Variants in KCNG3 observed in about 807,000 individuals in gnomAD.
KCNG3 encodes the protein voltage-gated potassium channel regulatory subunit KCNG3.
In KCNG3, 15 loss-of-function variants were observed where a neutral mutation model predicts 29.0. The observed-to-expected ratio is 0.52, with a 90% CI of 0.35 to 0.80. KCNG3 has a LOEUF of 0.80. KCNG3 is among the 30% of genes least tolerant of loss of function. KCNG3 has a pLI of 0.01. For missense variants in KCNG3, 512 were observed against 605.7 expected, an observed-to-expected ratio of 0.85 and a Z score of 1.62; for synonymous variants, 322 against 248.9, an observed-to-expected ratio of 1.29 and a Z score of -2.76.
At chr2:42,488,445 G>A (rs13013762) in intron 1 of KCNG3, among the ~76,000 whole-genome samples, 38,705 of 152,048 alleles carry the variant, frequency 0.25, 5,028 homozygotes, top group Middle Eastern at 0.37. Context: ...CTGAATCATA[G>A]TTCACTGCAG....
chr2:42,392,735 G>GA, the KCNG3 span, among the ~76,000 whole-genome samples: 1 of 151,858 alleles, frequency 6.6e-6, no homozygotes, highest in Non-Finnish European at 1.5e-5. Context: ...TAATCTCGAT[G>GA]AATGAGGGTC....
chr2:42,399,779 C>T, the KCNG3 span, among the ~76,000 whole-genome samples: 3 of 152,128 alleles, frequency 2.0e-5, no homozygotes, highest in South Asian at 2.1e-4. Context: ...TCTCCTTTGC[C>T]GGAATCCTAG....
downstream of KCNG3, among the ~76,000 whole-genome samples, chr2:42,437,123 T>C (rs953981757): frequency 2.6e-5 from 4 of 152,150 alleles, 1 homozygote; most frequent in Admixed American, 2.6e-4. Flanking sequence ...TAATTATTTC[T>C]TACATGCTAT....
At chr2:42,437,478 T>A (rs1395822367), downstream of KCNG3, among the ~76,000 whole-genome samples, 3 of 152,224 alleles carry the variant, frequency 2.0e-5, no homozygotes, top group East Asian at 3.8e-4. Context: ...TTTCTACCTC[T>A]GTCCTAGGAA....
intron 1 of KCNG3, among the ~76,000 whole-genome samples, chr2:42,473,551 T>C (rs1389909051): frequency 7.9e-5 from 12 of 151,990 alleles, no homozygotes; most frequent in East Asian, 2.0e-4. Flanking sequence ...GTTTTCACCA[T>C]GTTGGCCAGG....
chr2:42,448,935 G>A (rs986465365), intron 1 of KCNG3, among the ~76,000 whole-genome samples: 7 of 151,618 alleles, frequency 4.6e-5, no homozygotes, highest in Non-Finnish European at 8.8e-5. Flanking sequence ...CTGAGATCGC[G>A]CCACTGCACT....
At chr2:42,450,749 C>G (rs559329151) in intron 1 of KCNG3, among the ~76,000 whole-genome samples, 1 of 152,160 alleles carries the variant, frequency 6.6e-6, no homozygotes, top group Non-Finnish European at 1.5e-5. Flanking sequence ...AGTATCTCCG[C>G]TTTACAGATG....
At chr2:42,389,016 C>T in the KCNG3 span, among the ~76,000 whole-genome samples, 2 of 152,136 alleles carry the variant, frequency 1.3e-5, no homozygotes, top group South Asian at 4.1e-4. Context: ...CTCCCAGGTT[C>T]ACGCGATTCT....
chr2:42,428,457 G>A, the KCNG3 span, among the ~76,000 whole-genome samples: 58 of 61,352 alleles, frequency 9.5e-4, no homozygotes, highest in Non-Finnish European at 1.7e-3. Flanking sequence ...ACCCGGTCTC[G>A]GGAAAAAAAA....
rs1361165498 is a variant in KCNG3 at position 42,493,649 on chromosome 2, TG to T, written c.-149del. ...TCGGGGCTCCGCTCCTGCCCTCCGC[TG>T]GCCCGGGGGTCCCTGGGCTCGAGTA... On this transcript the variant is annotated 5_prime_UTR_variant, in exon 1 of 2. Coordinates refer to ENST00000306078, the MANE Select transcript of KCNG3 (RefSeq NM_133329.6). 1.7e-6 allele frequency: 1 copy of T among 592,214 alleles called. No homozygotes were observed. The highest frequency in any genetic ancestry group is 1.9e-5 in the African/African-American group (1 of 51,508). 36.7% of individuals were successfully genotyped at this position (592,214 alleles called of 1,614,324 possible).
chr2:42,490,060 A>G (rs1673832648), intron 1 of KCNG3, among the ~76,000 whole-genome samples: 1 of 152,228 alleles, frequency 6.6e-6, no homozygotes, highest in South Asian at 2.1e-4. Context: ...GCTAATGGCT[A>G]GCCACTGCCT....
intron 1 of KCNG3, among the ~76,000 whole-genome samples, chr2:42,461,296 A>T (rs535368858): frequency 1.3e-5 from 2 of 150,346 alleles, no homozygotes; most frequent in Non-Finnish European, 3.0e-5. Context: ...CTAACAGAGG[A>T]CTTGGGTTGC....
intron 1 of KCNG3, among the ~76,000 whole-genome samples, chr2:42,483,044 C>T (rs1050739660): frequency 1.3e-5 from 2 of 152,000 alleles, no homozygotes; most frequent in Non-Finnish European, 2.9e-5. Context: ...TCGCCAGAGC[C>T]AGGGAGGCAG....
the KCNG3 span, among the ~76,000 whole-genome samples, chr2:42,412,433 G>A: frequency 6.6e-6 from 1 of 152,086 alleles, no homozygotes; most frequent in Admixed American, 6.5e-5. Flanking sequence ...ATAGTACTAG[G>A]TTCACCTTCT....
intron 1 of KCNG3, among the ~76,000 whole-genome samples, chr2:42,488,751 T>C (rs1673796836): frequency 6.6e-6 from 1 of 152,056 alleles, no homozygotes; most frequent in Non-Finnish European, 1.5e-5. Flanking sequence ...GGTTTCACCA[T>C]GTTGGTCTGG....
chr2:42,493,217 G>GTA lies in KCNG3; in HGVS notation c.283_284dup (p.Asn96ThrfsTer4). Reference sequence around the variant, plus strand: ...CCAGGCCCCAGTAGATCATCTCGTTGTAGAAGGAGAGCTCGCACATCCGCG... The same window carrying GTA: ...CCAGGCCCCAGTAGATCATCTCGTTGTATAGAAGGAGAGCTCGCACATCCGCG... On this transcript the variant is annotated frameshift_variant, in exon 1 of 2. Transcript: ENST00000306078. LOFTEE classifies it high-confidence loss of function. 1.2e-6 allele frequency: 2 copies of GTA among 1,611,456 alleles called. No individual in the cohort carries two copies. Among genetic ancestry groups the GTA allele is most frequent in the Non-Finnish European group, 1.7e-6 (2 of 1,179,900 alleles).
chr2:42,422,487 G>A, the KCNG3 span, among the ~76,000 whole-genome samples: 2 of 152,018 alleles, frequency 1.3e-5, no homozygotes, highest in African/African-American at 4.8e-5. Context: ...TAGCAAGAAA[G>A]AATGAACTAA....
Position 42,444,676 on chromosome 2 carries a change from C to T in KCNG3, c.666-97G>A. The T allele has an allele frequency of 8.9e-7, 1 of 1,117,738 alleles. No individual in the cohort carries two copies. Among genetic ancestry groups the T allele is most frequent in the Non-Finnish European group, 1.3e-6 (1 of 781,608 alleles). The allele number at this position is 1,117,738 out of a possible 1,614,324, so 69.2% of individuals were successfully genotyped here. A position where few individuals can be genotyped will look rare whatever the true frequency, so the allele number is the denominator to read the frequency against. On this transcript the variant is annotated intron_variant, in intron 1 of 1. Transcript: ENST00000306078. This position sits in a 1 kb window ranked among gnomAD's most constrained non-coding sequence, Gnocchi z 5.8. ...ATAGTACTACACTGACATACTAATT[C>T]AGTTACTTTTCCAGAAAACATAAAG...
At chr2:42,393,263 T>TAAA in the KCNG3 span, among the ~76,000 whole-genome samples, 1 of 143,226 alleles carries the variant, frequency 7.0e-6, no homozygotes, top group African/African-American at 2.6e-5. Flanking sequence ...TCTCTTACAT[T>TAAA]AAAAAAAAAA....
Sources: gnomAD v4.1 joint callset for allele counts (sites outside exome capture counted in the v4.1 genomes callset) on GRCh38, gnomAD v4.1.1 for gene constraint, Gnocchi (gnomAD v3.1) non-coding constraint, MANE v1.5 for transcripts, NCBI Gene and HGNC (gene_info 2026-07-23, HGNC 2026-07-21) for gene names.